Variants in PCDHA5 observed in about 807,000 individuals in gnomAD.
The protein encoded by PCDHA5 is protocadherin alpha-5.
Under a neutral mutation model 61.6 loss-of-function variants are expected in PCDHA5, and 43 were observed. That is an observed-to-expected ratio of 0.70 (90% CI 0.55 to 0.90). The LOEUF (loss-of-function observed/expected upper bound fraction) is 0.90, where lower values mean the gene tolerates loss of function less well. Among genes scored for constraint, PCDHA5 ranks in the 40% least tolerant of loss-of-function variants. The probability of loss-of-function intolerance (pLI) is 0.00; values close to 1 mark genes in which losing one functional copy is unlikely to be tolerated. For synonymous variants in PCDHA5, 627 were observed against 543.9 expected, an observed-to-expected ratio of 1.15 and a Z score of -2.13; for missense variants, 1,298 against 1,222.7, an observed-to-expected ratio of 1.06 and a Z score of -0.92.
chr5:140,857,746 G>C lies in PCDHA5; in HGVS notation c.2352+33619G>C. 5.0e-6 allele frequency: 8 copies of C among 1,597,368 alleles called. No homozygotes were observed. In the South Asian group the frequency reaches 8.8e-5, roughly 18 times the overall value. On this transcript the variant is annotated intron_variant, in intron 1 of 3. Coordinates refer to ENST00000529859, the MANE Select transcript of PCDHA5 (RefSeq NM_018908.3). ...ACGACAACGCTCCCGCGCTGCTGGC[G>C]TCTCCCGCTGGCAGCGCGGGCGGTG...
intron 1 of PCDHA5, among the ~76,000 whole-genome samples, chr5:140,953,432 C>T (rs1292809968): frequency 6.6e-6 from 1 of 152,108 alleles, no homozygotes; most frequent in Non-Finnish European, 1.5e-5. Context: ...TGTCCTTAAG[C>T]TGGAGAAACT....
In PCDHA5 at chr5:140,915,351, C is replaced by G. The variant is rs75854979; in HGVS notation, c.2353-63598C>G. Among the ~76,000 whole-genome samples, 843 of 152,202 alleles carry G rather than the reference C, an allele frequency of 5.5e-3. 10 individuals carry two copies. Among genetic ancestry groups the G allele is most frequent in the African/African-American group, 0.019 (796 of 41,530 alleles). On this transcript the variant is annotated intron_variant, in intron 1 of 3. Coordinates refer to ENST00000529859, the MANE Select transcript of PCDHA5 (RefSeq NM_018908.3). ...TAATATTCTGTGTTTTTCTGTATGC[C>G]TATTCTTACCAGTAAGTGTCTCGGC...
intron 1 of PCDHA5, among the ~76,000 whole-genome samples, chr5:140,935,909 T>C (rs1452831803): frequency 6.6e-6 from 1 of 151,600 alleles, no homozygotes; most frequent in African/African-American, 2.4e-5. Flanking sequence ...TTTTTTTTTT[T>C]TGAGACAGAT....
intron 1 of PCDHA5, chr5:140,831,249 A>G (rs1232013829): frequency 5.3e-5 from 8 of 152,084 alleles, no homozygotes; most frequent in African/African-American, 1.9e-4. Flanking sequence ...CGGCTCTCTT[A>G]TTTCTGTTTG....
intron 1 of PCDHA5, among the ~76,000 whole-genome samples, chr5:140,899,594 G>A (rs1583347259): frequency 1.3e-5 from 2 of 152,238 alleles, no homozygotes; most frequent in Non-Finnish European, 2.9e-5. Flanking sequence ...GTATTTTATT[G>A]AGGACTTTTG....
At chr5:140,833,837 T>C (rs1469438718) in intron 1 of PCDHA5, among the ~76,000 whole-genome samples, 1 of 152,176 alleles carries the variant, frequency 6.6e-6, no homozygotes, top group African/African-American at 2.4e-5. Context: ...GAGTACAGGA[T>C]TTTTCTTAAC....
chr5:140,822,224 G>A lies in PCDHA5; in HGVS notation c.449G>A (p.Arg150Gln), dbSNP rs2150114696. ...FILESRMPDS[R>Q]FPLEGASDLD... is the part of the protein sequence containing the mutation. ...TTAGAGTCAAGAATGCCAGATTCGC[G>A]GTTTCCGCTAGAGGGCGCGTCGGAT... Residue 150 changes from arginine (R) to glutamine (Q), a missense_variant, in exon 1 of 4, where the codon CGG (arginine) becomes CAG (glutamine). Transcript: ENST00000529859. 10 of 1,614,208 alleles carry A rather than the reference G, an allele frequency of 6.2e-6. No homozygotes were observed. In the South Asian group the frequency reaches 8.8e-5, roughly 14 times the overall value.
intron 1 of PCDHA5, among the ~76,000 whole-genome samples, chr5:140,941,737 T>A (rs1221306435): frequency 3.9e-5 from 6 of 152,234 alleles, no homozygotes; most frequent in Admixed American, 2.0e-4. Context: ...TTCCCCATTA[T>A]CTTATCAGAT....
rs908218007 is a variant in PCDHA5 at position 140,929,518 on chromosome 5, T to C, written c.2353-49431T>C. On this transcript the variant is annotated intron_variant, in intron 1 of 3. Transcript: ENST00000529859. ...ATTGCCCTAGGCCTCAAGGGACTTA[T>C]AGTTTATTTTTGAGAAACAAGGGCA... 7 of 753,028 alleles carry C rather than the reference T, an allele frequency of 9.3e-6. No homozygotes were observed. The Admixed American group carries it at 1.2e-4, about 13-fold the overall frequency. The allele number at this position is 753,028 out of a possible 1,614,324, so 46.6% of individuals were successfully genotyped here. A position where few individuals can be genotyped will look rare whatever the true frequency, so the allele number is the denominator to read the frequency against.
intron 3 of PCDHA5, among the ~76,000 whole-genome samples, chr5:141,005,512 G>C (rs1015892170): frequency 6.6e-6 from 1 of 151,536 alleles, no homozygotes; most frequent in Non-Finnish European, 1.5e-5. Flanking sequence ...GACCATCCTG[G>C]CTAACACGGT....
chr5:140,966,934 G>C (rs782780798), intron 1 of PCDHA5: 3 of 1,604,080 alleles, frequency 1.9e-6, no homozygotes, highest in Non-Finnish European at 2.5e-6. Flanking sequence ...CACCCGGCGC[G>C]CTCGTGGGCA....
intron 1 of PCDHA5, chr5:140,884,247 C>T: frequency 6.2e-7 from 1 of 1,613,398 alleles, no homozygotes. Context: ...CCCGCGCTGA[C>T]GGCCACGGCA....
At chr5:140,865,966 T>C (rs1376241258) in intron 1 of PCDHA5, 5 of 152,194 alleles carry the variant, frequency 3.3e-5, no homozygotes, top group Non-Finnish European at 2.9e-5. Context: ...TTTTGTACAA[T>C]GTGTGATTGA....
intron 1 of PCDHA5, chr5:140,881,297 C>T: frequency 4.3e-6 from 4 of 940,924 alleles, no homozygotes; most frequent in Non-Finnish European, 5.1e-6. Flanking sequence ...AAAATGGAAA[C>T]TTTAACCTCC....
In PCDHA5 at chr5:140,856,514, G is replaced by C. The variant is rs781942781; in HGVS notation, c.2352+32387G>C. 1 of 1,598,422 alleles carries C rather than the reference G, an allele frequency of 6.3e-7. No individual in the cohort carries two copies. The highest frequency in any genetic ancestry group is 1.3e-5 in the African/African-American group (1 of 74,442). On this transcript the variant is annotated intron_variant, in intron 1 of 3. Coordinates refer to ENST00000529859, the MANE Select transcript of PCDHA5 (RefSeq NM_018908.3). ...TGACTCTCGATTTCCACTAGAAGGC[G>C]CATCTGATGCGGATGTTGGAGAGAA... is the stretch of plus-strand genomic sequence containing the variant.
chr5:140,896,594 C>G (rs1583238277), intron 1 of PCDHA5, among the ~76,000 whole-genome samples: 1 of 150,950 alleles, frequency 6.6e-6, no homozygotes, highest in Non-Finnish European at 1.5e-5. Flanking sequence ...CCAGGCTGGT[C>G]TCGAACTCCT....
Position 140,841,112 on chromosome 5 carries a change from C to A in PCDHA5, c.2352+16985C>A, listed in dbSNP as rs190685960. The A allele has an allele frequency of 8.3e-6, 5 of 602,150 alleles. No individual in the cohort carries two copies. In the East Asian group the frequency reaches 1.4e-4, roughly 17 times the overall value. 37.3% of individuals were successfully genotyped at this position (602,150 alleles called of 1,614,324 possible). On this transcript the variant is annotated intron_variant, in intron 1 of 3. Transcript: ENST00000529859. ...GAACCCAGATATTGCGGAAGTAATT[C>A]ATGTAATCATTACCTTTTGAAGCCA... is the stretch of plus-strand genomic sequence containing the variant.
intron 1 of PCDHA5, 67 bp downstream of exon 1, chr5:140,824,194 C>T (rs1389599382): frequency 3.7e-6 from 6 of 1,601,264 alleles, no homozygotes; most frequent in Non-Finnish European, 5.1e-6. Context: ...TCACATTCAC[C>T]CACTTTTTTT....
intron 1 of PCDHA5, among the ~76,000 whole-genome samples, chr5:140,838,091 T>C (rs1775528096): frequency 7.2e-6 from 1 of 139,480 alleles, no homozygotes; most frequent in East Asian, 2.0e-4. Context: ...TGTGTGTGTG[T>C]GTGTGTGTGT....
Sources: gnomAD v4.1 joint callset for allele counts (sites outside exome capture counted in the v4.1 genomes callset) on GRCh38, gnomAD v4.1.1 for gene constraint, MANE v1.5 for transcripts, NCBI Gene and HGNC (gene_info 2026-07-23, HGNC 2026-07-21) for gene names.